FRMD5: variants seen among roughly 807,000 people sequenced by gnomAD.
FRMD5 encodes FERM domain containing 5, also known as FERM domain-containing protein 5.
A neutral mutation model predicts 69.0 loss-of-function variants in FRMD5; 20 were observed. That is an observed-to-expected ratio of 0.29 (90% CI 0.20 to 0.42). FRMD5 has a LOEUF of 0.42. Ranked by LOEUF, FRMD5 falls within the 10% of genes least tolerant of loss-of-function variation. FRMD5 has a pLI of 1.00. For missense variants in FRMD5, 595 were observed against 708.6 expected (o/e 0.84, Z 1.82); for synonymous variants, 271 against 260.1 (o/e 1.04, Z -0.40).
At chr15:43,990,060 C>G (rs1889596939) in intron 1 of FRMD5, 1 of 728,078 alleles carries the variant, frequency 1.4e-6, no homozygotes. Flanking sequence ...CCGTCACGCC[C>G]TGGTGTCTGG....
chr15:43,976,994 C>A (rs2090473958), intron 1 of FRMD5, among the ~76,000 whole-genome samples: 1 of 152,074 alleles, frequency 6.6e-6, no homozygotes, highest in African/African-American at 2.4e-5. Context: ...CCACACCCAG[C>A]TAATTTTTTT....
At chr15:44,128,512 A>T (rs571404104) in intron 1 of FRMD5, among the ~76,000 whole-genome samples, 4 of 152,306 alleles carry the variant, frequency 2.6e-5, no homozygotes, top group Admixed American at 6.5e-5. Context: ...ATTAAGTTTC[A>T]CAAAGTAGTA....
chr15:43,919,715 G>A (rs2016837), intron 3 of FRMD5, 52 bp downstream of exon 3: 202,963 of 1,571,664 alleles, frequency 0.13, 27,064 homozygotes, highest in African/African-American at 0.69. Flanking sequence ...GGGAGGTTTC[G>A]TCCCACCCTC....
At chr15:44,108,443 G>T (rs564023039) in intron 1 of FRMD5, among the ~76,000 whole-genome samples, 1 of 152,194 alleles carries the variant, frequency 6.6e-6, no homozygotes, top group East Asian at 1.9e-4. Flanking sequence ...TCTGGAGTTC[G>T]AGACCAGCCT....
intron 1 of FRMD5, among the ~76,000 whole-genome samples, chr15:44,131,967 T>C (rs979712864): frequency 1.3e-5 from 2 of 152,294 alleles, no homozygotes; most frequent in Middle Eastern, 3.4e-3. Flanking sequence ...TAATATATAA[T>C]GAAATAATTA....
In FRMD5 at chr15:43,873,316, A is replaced by G; in HGVS notation, c.*569T>C. 1 of 1,507,736 alleles carries G rather than the reference A, an allele frequency of 6.6e-7. No individual in the cohort carries two copies. Among genetic ancestry groups the G allele is most frequent in the Non-Finnish European group, 8.8e-7 (1 of 1,132,896 alleles). 93.4% of individuals were successfully genotyped at this position (1,507,736 alleles called of 1,614,324 possible). ...ATTTAATCATTCTACATGGATGTTT[A>G]CTTTTTTAAAAGTTCTGGCTGGCAA... On this transcript the variant is annotated 3_prime_UTR_variant, in exon 14 of 14. Transcript: ENST00000417257.
At chr15:43,938,955 A>G (rs896233030) in intron 1 of FRMD5, among the ~76,000 whole-genome samples, 1 of 151,864 alleles carries the variant, frequency 6.6e-6, no homozygotes, top group Non-Finnish European at 1.5e-5. Flanking sequence ...TCCGCCTCCT[A>G]GGTTGAAGGA....
chr15:43,914,254 G>GA (rs1566832096), intron 4 of FRMD5, among the ~76,000 whole-genome samples: 1 of 152,168 alleles, frequency 6.6e-6, no homozygotes, highest in African/African-American at 2.4e-5. Context: ...GAGGCTCCTG[G>GA]AGAGTTTTTT....
At chr15:44,117,991 C>CTTTTTTTTTTTTTT (rs747747488) in intron 1 of FRMD5, among the ~76,000 whole-genome samples, 28 of 92,608 alleles carry the variant, frequency 3.0e-4, no homozygotes, top group African/African-American at 8.8e-4. Context: ...TTCTTTTTTA[C>CTTTTTTTTTTTTTT]TTTTTTTTTT....
intron 1 of FRMD5, among the ~76,000 whole-genome samples, chr15:43,955,468 G>T (rs139516617): frequency 3.3e-4 from 50 of 152,290 alleles, no homozygotes; most frequent in African/African-American, 1.1e-3. Flanking sequence ...GCCAATGAAG[G>T]CCCAGTTATC....
Position 43,871,972 on chromosome 15 carries a change from G to C in FRMD5, c.*1913C>G, listed in dbSNP as rs1411470898. 1 of 152,224 alleles carries C rather than the reference G, an allele frequency of 6.6e-6. No homozygotes were observed. Among genetic ancestry groups the C allele is most frequent in the Admixed American group, 6.5e-5 (1 of 15,278 alleles). The allele number at this position is 152,224 out of a possible 1,614,324, so 9.4% of individuals were successfully genotyped here. A position where few individuals can be genotyped will look rare whatever the true frequency, so the allele number is the denominator to read the frequency against. On this transcript the variant is annotated 3_prime_UTR_variant, in exon 14 of 14. Coordinates refer to ENST00000417257, the MANE Select transcript of FRMD5 (RefSeq NM_032892.5). ...TGGTAAGGATCAGTTTTATTGTCTA[G>C]AGCAGGATTGGCGTATTATGGCCTG...
rs113498331 is a variant in FRMD5 at position 44,160,989 on chromosome 15, G to T, written c.102+33964C>A. On this transcript the variant is annotated intron_variant, in intron 1 of 13. Transcript: ENST00000417257. ...CCATATTGTACAAGAGAGGAGGCAG[G>T]TAATTCACTAAATAGCACCCTCGTG... Among the ~76,000 whole-genome samples the T allele has an allele frequency of 3.9e-3, 601 of 152,310 alleles. 5 individuals carry two copies. The highest frequency in any genetic ancestry group is 0.014 in the African/African-American group (562 of 41,554).
intron 1 of FRMD5, among the ~76,000 whole-genome samples, chr15:44,097,571 G>T (rs2076571498): frequency 6.6e-6 from 1 of 152,184 alleles, no homozygotes; most frequent in Non-Finnish European, 1.5e-5. Flanking sequence ...GGAGGGCTCT[G>T]CCTTTAACAC....
chr15:43,986,175 T>C (rs1481207620), intron 1 of FRMD5, among the ~76,000 whole-genome samples: 4 of 152,250 alleles, frequency 2.6e-5, no homozygotes, highest in Non-Finnish European at 5.9e-5. Context: ...GTCACTTCTT[T>C]CACAGTCTGT....
chr15:44,098,526 A>AG, intron 1 of FRMD5, among the ~76,000 whole-genome samples: 1 of 126,684 alleles, frequency 7.9e-6, no homozygotes, highest in Non-Finnish European at 1.8e-5. Flanking sequence ...TCTGTCTCAA[A>AG]AAAAAAAAAA....
chr15:43,989,952 G>A, intron 1 of FRMD5: 7 of 1,121,732 alleles, frequency 6.2e-6, no homozygotes, highest in Non-Finnish European at 9.4e-6. Context: ...CGTCCCAGGT[G>A]GTGACAATGT....
intron 1 of FRMD5, among the ~76,000 whole-genome samples, chr15:44,094,447 C>A (rs947612496): frequency 2.0e-5 from 3 of 152,178 alleles, no homozygotes; most frequent in African/African-American, 7.2e-5. Context: ...TTCTCAGACA[C>A]CTACAACCCA....
chr15:44,123,980 C>CT, intron 1 of FRMD5, among the ~76,000 whole-genome samples: 1 of 152,068 alleles, frequency 6.6e-6, no homozygotes, highest in Non-Finnish European at 1.5e-5. Context: ...TTGTTCATAT[C>CT]TTTTGGTTGT....
At chr15:43,879,139 TGTTGGCCAGGCTGGTC>T (rs1313128461) in intron 13 of FRMD5, among the ~76,000 whole-genome samples, 2 of 151,986 alleles carry the variant, frequency 1.3e-5, no homozygotes, top group Non-Finnish European at 2.9e-5. Context: ...GGTTTCGCCA[TGTTGGCCAGGCTGGTC>T]TGAGCTCCTG....
Sources: allele counts gnomAD v4.1 joint callset (sites outside exome capture counted in the v4.1 genomes callset), GRCh38; gene constraint gnomAD v4.1.1; transcripts MANE v1.5; gene names NCBI Gene and HGNC (gene_info 2026-07-23, HGNC 2026-07-21).